Variants in GABRA5 observed in about 807,000 individuals in gnomAD.
GABRA5 encodes the protein gamma-aminobutyric acid type A receptor subunit alpha5.
Under a neutral mutation model 47.3 loss-of-function variants are expected in GABRA5, and 18 were observed. The ratio of observed to expected loss-of-function variants is 0.38; its 90% CI spans 0.26 to 0.56. The LOEUF (loss-of-function observed/expected upper bound fraction) is 0.56, where lower values mean the gene tolerates loss of function less well. Among genes scored for constraint, GABRA5 ranks in the 20% least tolerant of loss-of-function variants. GABRA5 has a pLI of 0.71. For missense variants in GABRA5, 365 were observed against 599.3 expected (o/e 0.61, Z 4.08); for synonymous variants, 237 against 229.3 (o/e 1.03, Z -0.30).
At chr15:26,873,838 G>A (rs1892528748) in intron 3 of GABRA5, among the ~76,000 whole-genome samples, 1 of 152,184 alleles carries the variant, frequency 6.6e-6, no homozygotes, top group Non-Finnish European at 1.5e-5. Context: ...TGCACCTAAA[G>A]GCTTCAGCGA....
intron 7 of GABRA5, among the ~76,000 whole-genome samples, chr15:26,931,939 C>T (rs1566884304): frequency 1.3e-5 from 2 of 152,040 alleles, no homozygotes; most frequent in Non-Finnish European, 2.9e-5. Context: ...AGAGTGGACT[C>T]CTCCCTTACA....
intron 7 of GABRA5, among the ~76,000 whole-genome samples, chr15:26,920,180 TTTGTTGTTGTTG>T (rs961511746): frequency 1.2e-4 from 18 of 151,972 alleles, no homozygotes; most frequent in Non-Finnish European, 2.2e-4. Flanking sequence ...TAAATAAGCT[TTTGTTGTTGTTG>T]TTGTTGTTGT....
chr15:26,943,077 C>T (rs113404614), intron 9 of GABRA5, 138 bp from the exon 10 acceptor site: 3 of 659,976 alleles, frequency 4.5e-6, no homozygotes, highest in African/African-American at 3.7e-5. Context: ...GAGCAAGACT[C>T]TGTCTCAAAA....
intron 8 of GABRA5, among the ~76,000 whole-genome samples, chr15:26,938,173 G>A (rs1433920035): frequency 6.6e-6 from 1 of 152,238 alleles, no homozygotes; most frequent in Admixed American, 6.5e-5. Context: ...AGCCTGTTCT[G>A]CATGCACACA....
chr15:26,945,878 A>C (rs1446866665), intron 10 of GABRA5, among the ~76,000 whole-genome samples: 1 of 150,620 alleles, frequency 6.6e-6, no homozygotes, highest in Admixed American at 6.6e-5. Context: ...ACAGAGCAGT[A>C]TCTTCTAAAG....
intron 7 of GABRA5, among the ~76,000 whole-genome samples, chr15:26,929,171 C>T (rs1894031943): frequency 6.6e-6 from 1 of 152,078 alleles, no homozygotes. Context: ...TGGGTGAGAC[C>T]CAAGGTATGA....
At chr15:26,915,850 C>T (rs530207280) in intron 7 of GABRA5, among the ~76,000 whole-genome samples, 1 of 152,166 alleles carries the variant, frequency 6.6e-6, no homozygotes, top group Non-Finnish European at 1.5e-5. Context: ...ACTCTCTGAG[C>T]CTCTTTCCTC....
intron 7 of GABRA5, among the ~76,000 whole-genome samples, chr15:26,918,758 A>G (rs778896448): frequency 1.9e-4 from 29 of 152,184 alleles, no homozygotes; most frequent in Non-Finnish European, 3.8e-4. Flanking sequence ...TTATGTAAAT[A>G]TAGCCATCCC....
Position 26,914,934 on chromosome 15 carries a change from A to G in GABRA5, c.580+49A>G, listed in dbSNP as rs768951861. 10 of 1,420,964 alleles carry G rather than the reference A, an allele frequency of 7.0e-6. No homozygotes were observed. In the Admixed American group the frequency reaches 1.5e-4, roughly 22 times the overall value. 88.0% of individuals were successfully genotyped at this position (1,420,964 alleles called of 1,614,324 possible). On this transcript the variant is annotated intron_variant, in intron 7 of 10. Coordinates refer to ENST00000335625, the MANE Select transcript of GABRA5 (RefSeq NM_000810.4). ...GCCTTGGACATATACTTTGGGGATC[A>G]ATTCCACATTTATTCAGAAGAATTT...
chr15:26,930,874 TTTTC>T (rs978275084), intron 7 of GABRA5, among the ~76,000 whole-genome samples: 10 of 150,982 alleles, frequency 6.6e-5, no homozygotes, highest in South Asian at 2.1e-4. Context: ...TTCTTTTCTT[TTTTC>T]TTTCTTTCTT....
At chr15:26,894,924 T>C (rs1291774992) in intron 6 of GABRA5, among the ~76,000 whole-genome samples, 1 of 152,068 alleles carries the variant, frequency 6.6e-6, no homozygotes, top group Admixed American at 6.6e-5. Context: ...TTTTCTGACA[T>C]GGTTTAAAAC....
Position 26,947,915 on chromosome 15 carries a change from T to C in GABRA5, c.1090-19T>C, listed in dbSNP as rs759191386. 6 of 1,554,820 alleles carry C rather than the reference T, an allele frequency of 3.9e-6. No homozygotes were observed. The South Asian group carries it at 5.9e-5, about 15-fold the overall frequency. ...TGCCTGCAAATGGCGTGTCCTTACATTCGTATTATATTTTGCAGAAAAAGC... is the reference window on the plus strand; with the variant it reads ...TGCCTGCAAATGGCGTGTCCTTACACTCGTATTATATTTTGCAGAAAAAGC... On this transcript the variant is annotated intron_variant, in intron 10 of 10. Transcript: ENST00000335625.
At chr15:26,897,664 C>T (rs537046137) in intron 6 of GABRA5, among the ~76,000 whole-genome samples, 8 of 152,308 alleles carry the variant, frequency 5.3e-5, no homozygotes, top group African/African-American at 1.4e-4. Flanking sequence ...CTTGATAACA[C>T]TTAAAGTTTC....
intron 4 of GABRA5, among the ~76,000 whole-genome samples, chr15:26,882,700 G>A (rs978647750): frequency 6.6e-6 from 1 of 152,126 alleles, no homozygotes; most frequent in Non-Finnish European, 1.5e-5. Flanking sequence ...ATCGTTTCCC[G>A]GAGACCACCC....
intron 6 of GABRA5, among the ~76,000 whole-genome samples, chr15:26,905,245 G>A (rs1431716671): frequency 6.6e-6 from 1 of 151,136 alleles, no homozygotes; most frequent in East Asian, 2.0e-4. Flanking sequence ...CATTTTGAAG[G>A]ATCATTTTGT....
rs1367022777 is a variant in GABRA5, at chr15:26,867,277, C to G, written c.-140+166C>G. 6.6e-6 allele frequency: 1 copy of G among 151,578 alleles called. No homozygotes were observed. The highest frequency in any genetic ancestry group is 2.4e-5 in the African/African-American group (1 of 41,358). 9.4% of individuals were successfully genotyped at this position (151,578 alleles called of 1,614,324 possible). A position where few individuals can be genotyped will look rare whatever the true frequency, so the allele number is the denominator to read the frequency against. On this transcript the variant is annotated intron_variant, in intron 1 of 10. Transcript: ENST00000335625. The surrounding 1 kb of genome is among the most constrained non-coding windows in gnomAD (Gnocchi z 5.9). ...GGAAGTTCGCGCTGGCAGCATGGGG[C>G]GGTGACGCCGCACCGGCCTTCCGCG...
chr15:26,875,095 A>G (rs559211394), intron 3 of GABRA5, among the ~76,000 whole-genome samples: 1 of 152,344 alleles, frequency 6.6e-6, no homozygotes, highest in African/African-American at 2.4e-5. Context: ...CAAGGCTGGT[A>G]TGAAGGATCA....
At position 26,911,763 on chromosome 15, in the gene GABRA5, G is replaced by A. The variant is rs563906485; in HGVS notation, c.498-3040G>A. The stretch of plus-strand genomic sequence containing the variant: ...GATGCCAGCACAGAGCAATGGGTTG[G>A]GGGTAACTCGGACTCTCCAAGTTGT... On this transcript the variant is annotated intron_variant, in intron 6 of 10. Transcript: ENST00000335625. Among the ~76,000 whole-genome samples the A allele has an allele frequency of 7.9e-4, 120 of 152,240 alleles. 1 individual carries two copies. Among genetic ancestry groups the A allele is most frequent in the African/African-American group, 2.7e-3 (113 of 41,550 alleles).
In GABRA5 at chr15:26,883,539, C is replaced by A. The variant is rs1892793197; in HGVS notation, c.479C>A (p.Thr160Asn). The A allele has an allele frequency of 6.2e-7, 1 of 1,612,294 alleles. No individual in the cohort carries two copies. Among genetic ancestry groups the A allele is most frequent in the South Asian group, 1.1e-5 (1 of 90,990 alleles). Residue 160 changes from threonine to asparagine, a missense_variant, in exon 6 of 11, where the codon ACC becomes AAC. This residue lies in a region of GABRA5 where 216 missense variants were observed against 335.3 expected (regional missense o/e 0.64). Transcript: ENST00000335625. The surrounding 1 kb of genome is among the most constrained non-coding windows in gnomAD (Gnocchi z 4.8). ...NKLLRLEDDG[T>N]LLYTMRLTIS... is the part of the protein sequence containing the mutation. ...CTGCTGCGGCTGGAGGACGACGGCA[C>A]CCTGCTCTACACCATGCGGTGAGCG... is the stretch of plus-strand genomic sequence containing the variant.
Sources: allele counts gnomAD v4.1 joint callset (sites outside exome capture counted in the v4.1 genomes callset), GRCh38; gene constraint gnomAD v4.1.1; regional missense constraint gnomAD v4.1.1; non-coding constraint Gnocchi (gnomAD v3.1); transcripts MANE v1.5; gene names NCBI Gene and HGNC (gene_info 2026-07-23, HGNC 2026-07-21).